Variants in PGAP3 observed in about 807,000 individuals in gnomAD.
PGAP3 encodes post-GPI attachment to proteins phospholipase 3.
Under a neutral mutation model 40.3 loss-of-function variants are expected in PGAP3, and 31 were observed. That is an observed-to-expected ratio of 0.77 (90% CI 0.58 to 1.04). PGAP3 has a LOEUF of 1.04. Ranked by LOEUF, PGAP3 falls within the 50% of genes least tolerant of loss-of-function variation. The pLI is 0.00. For synonymous variants in PGAP3, 191 were observed against 184.5 expected (o/e 1.04, Z -0.29); for missense variants, 413 against 423.0 (o/e 0.98, Z 0.21).
intron 1 of PGAP3, among the ~76,000 whole-genome samples, chr17:39,687,613 A>G (rs1364025357): frequency 6.6e-6 from 1 of 152,234 alleles, no homozygotes; most frequent in Non-Finnish European, 1.5e-5. Context: ...TGTGGCCCGA[A>G]TGTATTTAAT....
chr17:39,678,251 G>T (rs138056464), intron 3 of PGAP3, among the ~76,000 whole-genome samples: 1 of 152,330 alleles, frequency 6.6e-6, no homozygotes, highest in African/African-American at 2.4e-5. Context: ...AGGAAGAGAA[G>T]AATCAGTCCC....
chr17:39,675,114 G>A (rs1201093657), intron 3 of PGAP3, among the ~76,000 whole-genome samples: 1 of 151,980 alleles, frequency 6.6e-6, no homozygotes, highest in Admixed American at 6.5e-5. Flanking sequence ...GGGGTGGAGG[G>A]GCTCGAGCCA....
chr17:39,678,105 G>C (rs748835650), intron 3 of PGAP3, among the ~76,000 whole-genome samples: 111 of 152,284 alleles, frequency 7.3e-4, no homozygotes, highest in Admixed American at 4.3e-3. Flanking sequence ...CTTTTTCCAA[G>C]ATCCCAGAGG....
chr17:39,681,681 T>C (rs1026056456), intron 3 of PGAP3, among the ~76,000 whole-genome samples: 1 of 152,134 alleles, frequency 6.6e-6, no homozygotes, highest in African/African-American at 2.4e-5. Context: ...GCTAATTTTG[T>C]ATTTTTAGTA....
At chr17:39,677,755 T>G (rs1278725133) in intron 3 of PGAP3, among the ~76,000 whole-genome samples, 1 of 152,168 alleles carries the variant, frequency 6.6e-6, no homozygotes, top group Non-Finnish European at 1.5e-5. Flanking sequence ...AGCAAGAGGC[T>G]GTTTCAGTCT....
At chr17:39,679,683 T>C (rs1269346664) in intron 3 of PGAP3, among the ~76,000 whole-genome samples, 1 of 152,176 alleles carries the variant, frequency 6.6e-6, no homozygotes, top group East Asian at 1.9e-4. Context: ...GTGGTGGCTT[T>C]ATCTCACCCA....
rs2057310552 is a variant in PGAP3, at chr17:39,671,919, C to T, written c.*884G>A. The T allele has an allele frequency of 6.5e-6, 1 of 152,748 alleles. No individual in the cohort carries two copies. The highest frequency in any genetic ancestry group is 2.4e-5 in the African/African-American group (1 of 41,436). 9.5% of individuals were successfully genotyped at this position (152,748 alleles called of 1,614,324 possible). On this transcript the variant is annotated 3_prime_UTR_variant, in exon 8 of 8. Transcript: ENST00000300658. ...CTGTGGACACATTCACCGGCAGTCA[C>T]TCATCTCACATGCCCACCAGCACGC...
rs147768703 is a variant in PGAP3 at position 39,673,998 on chromosome 17, G to C, written c.552C>G (p.Cys184Trp). 1 of 1,613,882 alleles carries C rather than the reference G, an allele frequency of 6.2e-7. No homozygotes were observed. Among genetic ancestry groups the C allele is most frequent in the Admixed American group, 1.7e-5 (1 of 60,016 alleles). ...AGCCACCCAGGCAGGCTCACCTGAC[G>C]CAGCACAGGTAGATTGAGTGTAGGA... ...TVILHSIYLC[C>W]VRTVGLQHPA... The change falls in exon 5 of 8, where the codon TGC becomes TGG. Residue 184 changes from cysteine (C) to tryptophan (W), a missense_variant. Physicochemically the swap from Cys to Trp is radical, Grantham distance 215. Coordinates refer to ENST00000300658, the MANE Select transcript of PGAP3 (RefSeq NM_033419.5).
Position 39,673,556 on chromosome 17 carries a change from G to T in PGAP3, c.652C>A (p.Arg218Ser). The change falls in exon 6 of 8, where the codon CGC becomes AGC. Residue 218 changes from arginine (R) to serine (S), a missense_variant. Coordinates refer to ENST00000300658, the MANE Select transcript of PGAP3 (RefSeq NM_033419.5). Reference protein sequence around the residue: ...TVHVSYLSLIRFDYGYNLVAN... With the variant: ...TVHVSYLSLISFDYGYNLVAN... ...ACCAGGTTGTAGCCATAGTCGAAGC[G>T]GATGAGGCTCAGGTAGGAGACGTGC... 1.9e-6 allele frequency: 3 copies of T among 1,614,104 alleles called. No homozygotes were observed. Among genetic ancestry groups the T allele is most frequent in the Non-Finnish European group, 2.5e-6 (3 of 1,180,014 alleles).
chr17:39,679,346 C>G lies in PGAP3; in HGVS notation c.433-4667G>C, dbSNP rs1011495008. ...AAGAAGGAAGCTGAGTTGCAGATACCATTGAGGTGAAAAATCCAAGAATCA... is the reference window on the plus strand; with the variant it reads ...AAGAAGGAAGCTGAGTTGCAGATACGATTGAGGTGAAAAATCCAAGAATCA... On this transcript the variant is annotated intron_variant, in intron 3 of 7. Coordinates refer to ENST00000300658, the MANE Select transcript of PGAP3 (RefSeq NM_033419.5). Among the ~76,000 whole-genome samples the G allele has an allele frequency of 2.0e-5, 3 of 152,162 alleles. No individual in the cohort carries two copies. The East Asian group carries it at 5.8e-4, about 29-fold the overall frequency.
intron 3 of PGAP3, chr17:39,676,640 G>GT (rs1209690843): frequency 6.6e-6 from 1 of 152,186 alleles, no homozygotes; most frequent in African/African-American, 2.4e-5. Context: ...GGAGGTAGTG[G>GT]TATCATTAAG....
chr17:39,672,958 G>A, intron 7 of PGAP3, 92 bp from the exon 8 acceptor site: 1 of 1,577,536 alleles, frequency 6.3e-7, no homozygotes, highest in Non-Finnish European at 8.7e-7. Flanking sequence ...GGTGGGAGGG[G>A]GCGGATGGGC....
chr17:39,684,591 A>T lies in PGAP3; in HGVS notation c.432+6T>A, dbSNP rs761866701. 2 of 1,607,628 alleles carry T rather than the reference A, an allele frequency of 1.2e-6. No individual in the cohort carries two copies. Among genetic ancestry groups the T allele is most frequent in the Admixed American group, 1.7e-5 (1 of 58,902 alleles). On this transcript the variant is annotated splice_donor_region_variant and intron_variant, in intron 3 of 7. Coordinates refer to ENST00000300658, the MANE Select transcript of PGAP3 (RefSeq NM_033419.5). Reference sequence around the variant, plus strand: ...GAGACAGCAGGAGTCCTGCTAGGTTACCTACCCAGGCGAAGGCCACACAGG... The same window carrying T: ...GAGACAGCAGGAGTCCTGCTAGGTTTCCTACCCAGGCGAAGGCCACACAGG...
chr17:39,676,419 C>G (rs1216074630), intron 3 of PGAP3, among the ~76,000 whole-genome samples: 1 of 152,108 alleles, frequency 6.6e-6, no homozygotes, highest in Non-Finnish European at 1.5e-5. Flanking sequence ...CTCAGAACAC[C>G]GAAAGCAGGG....
chr17:39,684,705 G>A lies in PGAP3; in HGVS notation c.324C>T (p.Ala108=), dbSNP rs138892403. 343 of 1,613,054 alleles carry A rather than the reference G, an allele frequency of 2.1e-4. 1 individual carries two copies. The African/African-American group carries it at 4.2e-3, about 20-fold the overall frequency. Residue 108 remains alanine (A), a synonymous_variant, in exon 3 of 8, where the codon GCC becomes GCT. Transcript: ENST00000300658. Reference sequence around the variant, plus strand: ...CCAGGCCATTGAGAAACGAGGCCACGGCCGATGCCGGCTCTTGAAAGAACA... The same window carrying A: ...CCAGGCCATTGAGAAACGAGGCCACAGCCGATGCCGGCTCTTGAAAGAACA... ...RFLFFQEPAS[A]VASFLNGLAS...
rs776467942 is a variant in PGAP3 at position 39,673,509 on chromosome 17, C to T, written c.694+5G>A. 1.9e-6 allele frequency: 3 copies of T among 1,613,894 alleles called. No homozygotes were observed. In the Admixed American group the frequency reaches 5.0e-5, roughly 27 times the overall value. The stretch of plus-strand genomic sequence containing the variant: ...GCAGATGGCCCAAGCCCCCCAGGGC[C>T]TCACCAATAGCCACGTTGGCCACCA... On this transcript the variant is annotated splice_donor_5th_base_variant and intron_variant, in intron 6 of 7. Coordinates refer to ENST00000300658, the MANE Select transcript of PGAP3 (RefSeq NM_033419.5).
chr17:39,684,758 G>C lies in PGAP3; in HGVS notation c.280-9C>G. The C allele has an allele frequency of 6.3e-7, 1 of 1,589,332 alleles. No individual in the cohort carries two copies. Among genetic ancestry groups the C allele is most frequent in the Non-Finnish European group, 8.6e-7 (1 of 1,168,170 alleles). The stretch of plus-strand genomic sequence containing the variant: ...AACCGGGAGAAGGGCCACTGAAAAA[G>C]GAGCAGATGAAGGAGGTTTGAAGGG... On this transcript the variant is annotated splice_polypyrimidine_tract_variant and intron_variant, in intron 2 of 7. Transcript: ENST00000300658.
At position 39,672,019 on chromosome 17, in the gene PGAP3, CCGA is replaced by C. The variant is rs1268754218; in HGVS notation, c.*781_*783del. ...CACACTTTGAAGCCACACCTCTTCCCCGACAACACCCGTCTCCACACTGCGCAC... is the reference window on the plus strand; with the variant it reads ...CACACTTTGAAGCCACACCTCTTCCCCAACACCCGTCTCCACACTGCGCAC... On this transcript the variant is annotated 3_prime_UTR_variant, in exon 8 of 8. Transcript: ENST00000300658. 1.3e-5 allele frequency: 2 copies of C among 153,184 alleles called. No homozygotes were observed. Among genetic ancestry groups the C allele is most frequent in the Non-Finnish European group, 2.9e-5 (2 of 68,468 alleles). The allele number at this position is 153,184 out of a possible 1,614,324, so 9.5% of individuals were successfully genotyped here.
intron 3 of PGAP3, among the ~76,000 whole-genome samples, chr17:39,677,340 C>A (rs895524405): frequency 6.6e-6 from 1 of 152,156 alleles, no homozygotes; most frequent in Non-Finnish European, 1.5e-5. Context: ...ACTTCCCTTT[C>A]CGCAAGGGTC....
Sources: allele counts gnomAD v4.1 joint callset (sites outside exome capture counted in the v4.1 genomes callset), GRCh38; gene constraint gnomAD v4.1.1; transcripts MANE v1.5; gene names NCBI Gene and HGNC (gene_info 2026-07-23, HGNC 2026-07-21).